The following TNRC6B variants were observed in gnomAD, a reference collection of about 807,000 sequenced individuals.
TNRC6B encodes trinucleotide repeat-containing gene 6B protein.
In TNRC6B, 52 loss-of-function variants were observed where a neutral mutation model predicts 203.6. The ratio of observed to expected loss-of-function variants is 0.26; its 90% CI spans 0.20 to 0.32. TNRC6B has a LOEUF of 0.32. Among genes scored for constraint, TNRC6B ranks in the 10% least tolerant of loss-of-function variants. TNRC6B has a pLI of 1.00. For synonymous variants in TNRC6B, 838 were observed against 845.7 expected (o/e 0.99, Z 0.16); for missense variants, 1,923 against 2,286.2 (o/e 0.84, Z 3.24).
rs1012987945 is a variant in TNRC6B at position 40,247,927 on chromosome 22, T to C, written c.93+1825T>C. On this transcript the variant is annotated intron_variant, in intron 2 of 22. Coordinates refer to ENST00000454349, the MANE Select transcript of TNRC6B (RefSeq NM_001162501.2). ...CTACCAACAAAAATACAAAAAAAAT[T>C]AGCCGAGTGTGGTGGTGCACACCTG... Among the ~76,000 whole-genome samples, 3 of 152,128 alleles carry C rather than the reference T, an allele frequency of 2.0e-5. No homozygotes were observed. The East Asian group carries it at 5.8e-4, about 29-fold the overall frequency.
At chr22:40,137,599 A>T (rs2068610662) in intron 3 of TNRC6B, among the ~76,000 whole-genome samples, 1 of 152,112 alleles carries the variant, frequency 6.6e-6, no homozygotes, top group South Asian at 2.1e-4. Flanking sequence ...GACCCTGGAG[A>T]TGGAGTTAGA....
chr22:40,135,850 A>G lies in TNRC6B; in HGVS notation c.45+9988A>G, dbSNP rs1418280627. 2.0e-5 allele frequency among the ~76,000 whole-genome samples: 3 copies of G among 152,196 alleles called. No individual in the cohort carries two copies. The East Asian group carries it at 5.8e-4, about 29-fold the overall frequency. On this transcript the variant is annotated intron_variant, in intron 3 of 23. Transcript: ENST00000301923. Reference sequence around the variant, plus strand: ...GGAAATGAGATGTACATTTTACTTTATGATTTGCTGTGTTAGGATAACTGG... The same window carrying G: ...GGAAATGAGATGTACATTTTACTTTGTGATTTGCTGTGTTAGGATAACTGG...
chr22:40,196,636 CTGATGTTTTTTTCTGGAACTCTT>C (rs2069340446), intron 1 of TNRC6B, among the ~76,000 whole-genome samples: 1 of 20,674 alleles, frequency 4.8e-5, no homozygotes, highest in Admixed American at 4.1e-4. Context: ...GGAACTCTTG[CTGATGTTTTTTTCTGGAACTCTT>C]GCTGATGTTT....
At chr22:40,252,783 G>A (rs920655518) in intron 3 of TNRC6B, among the ~76,000 whole-genome samples, 2 of 152,210 alleles carry the variant, frequency 1.3e-5, no homozygotes, top group Admixed American at 6.5e-5. Context: ...CATAGAAATA[G>A]TGTTATGCAT....
intron 3 of TNRC6B, among the ~76,000 whole-genome samples, chr22:40,129,025 G>A (rs772581791): frequency 7.2e-5 from 11 of 152,092 alleles, no homozygotes; most frequent in Non-Finnish European, 1.2e-4. Flanking sequence ...AGCGTAGCTA[G>A]TCAAGGAAGG....
At chr22:40,187,292 T>A (rs1053910329) in intron 1 of TNRC6B, among the ~76,000 whole-genome samples, 3 of 152,218 alleles carry the variant, frequency 2.0e-5, no homozygotes, top group African/African-American at 7.2e-5. Context: ...TTAGAATACA[T>A]GTTGGCTTAT....
intron 3 of TNRC6B, among the ~76,000 whole-genome samples, chr22:40,128,151 A>G (rs1443279764): frequency 1.3e-5 from 2 of 152,228 alleles, no homozygotes; most frequent in African/African-American, 4.8e-5. Context: ...AAATTAGATT[A>G]TAACTTCAAC....
chr22:40,091,091 C>T (rs1213459200), intron 1 of TNRC6B, among the ~76,000 whole-genome samples: 1 of 152,144 alleles, frequency 6.6e-6, no homozygotes, highest in African/African-American at 2.4e-5. Flanking sequence ...ACGCCATTCT[C>T]CTGCCTCAGC....
In TNRC6B at chr22:40,334,979, A is replaced by C. The variant is rs1415256999; in HGVS notation, c.*11738A>C. The stretch of plus-strand genomic sequence containing the variant: ...AGAAACAAAACCTGTAAAAATGACT[A>C]ATCAGCTGCACATATTGATGCTCTC... On this transcript the variant is annotated 3_prime_UTR_variant, in exon 23 of 23. Transcript: ENST00000454349. The C allele has an allele frequency of 6.6e-6, 1 of 152,534 alleles. No individual in the cohort carries two copies. The highest frequency in any genetic ancestry group is 1.5e-5 in the Non-Finnish European group (1 of 68,006). The allele number at this position is 152,534 out of a possible 1,614,324, so 9.4% of individuals were successfully genotyped here.
intron 2 of TNRC6B, among the ~76,000 whole-genome samples, chr22:40,247,780 A>C (rs953104468): frequency 4.7e-5 from 7 of 150,080 alleles, no homozygotes; most frequent in African/African-American, 1.7e-4. Flanking sequence ...TAAATAAATA[A>C]GCCAGATTGC....
intron 2 of TNRC6B, among the ~76,000 whole-genome samples, chr22:40,124,941 A>G (rs1312005466): frequency 6.6e-6 from 1 of 151,790 alleles, no homozygotes. Flanking sequence ...TGAACCCAGG[A>G]GGTGGAGGTT....
At chr22:40,176,985 G>A (rs775070119), upstream of TNRC6B, among the ~76,000 whole-genome samples, 5 of 152,194 alleles carry the variant, frequency 3.3e-5, no homozygotes, top group Non-Finnish European at 5.9e-5. Flanking sequence ...GGCCAGGCAG[G>A]GTGGGAGGAT....
chr22:40,057,845 T>C (rs747424129), intron 1 of TNRC6B, among the ~76,000 whole-genome samples: 1 of 152,178 alleles, frequency 6.6e-6, no homozygotes, highest in Non-Finnish European at 1.5e-5. Context: ...TGGTGTCTCA[T>C]GCTCAGTAAT....
chr22:40,230,647 G>C (rs77485057), intron 1 of TNRC6B, among the ~76,000 whole-genome samples: 1,704 of 152,060 alleles, frequency 0.011, 21 homozygotes, highest in African/African-American at 0.038. Context: ...TAAATTCTTT[G>C]TCAGATAAGT....
chr22:40,111,931 A>G (rs7284484), intron 1 of TNRC6B, among the ~76,000 whole-genome samples: 1 of 152,012 alleles, frequency 6.6e-6, no homozygotes. Context: ...TAAAACCCCA[A>G]CTCTACTAAA....
chr22:40,282,695 G>A (rs1394754425), intron 11 of TNRC6B, among the ~76,000 whole-genome samples: 3 of 152,106 alleles, frequency 2.0e-5, no homozygotes, highest in South Asian at 2.1e-4. Flanking sequence ...TTGCTACAAA[G>A]TCCATTGTTA....
At chr22:40,179,745 T>G (rs2069108625) in intron 1 of TNRC6B, among the ~76,000 whole-genome samples, 1 of 152,102 alleles carries the variant, frequency 6.6e-6, no homozygotes, top group Non-Finnish European at 1.5e-5. Flanking sequence ...TGGAAGAGGG[T>G]GTGTGGTGCT....
chr22:40,063,090 A>C (rs1158198301), intron 1 of TNRC6B, among the ~76,000 whole-genome samples: 1 of 152,160 alleles, frequency 6.6e-6, no homozygotes, highest in East Asian at 1.9e-4. Flanking sequence ...TATTTTGAGT[A>C]AATTTTTGTG....
Position 40,047,607 on chromosome 22 carries a change from GA to G in TNRC6B, c.-121+2620del, listed in dbSNP as rs564843454. Among the ~76,000 whole-genome samples the G allele has an allele frequency of 2.7e-3, 390 of 144,102 alleles. 3 individuals are homozygous for G. The highest frequency in any genetic ancestry group is 8.5e-3 in the African/African-American group (335 of 39,228). 94.5% of individuals were successfully genotyped at this position (144,102 alleles called of 152,430 possible). On this transcript the variant is annotated intron_variant, in intron 1 of 23. Coordinates refer to the TNRC6B transcript ENST00000301923. ...AACAAGAGCGAAATTCAGTCTCCAA[GA>G]AAAAAAAAAAGTTTACATTAAGCTC...
Sources: gnomAD v4.1 joint callset for allele counts (sites outside exome capture counted in the v4.1 genomes callset) on GRCh38, gnomAD v4.1.1 for gene constraint, MANE v1.5 for transcripts, NCBI Gene and HGNC (gene_info 2026-07-23, HGNC 2026-07-21) for gene names.